The following OTOF variants were observed in gnomAD, a reference collection of about 807,000 sequenced individuals.
The protein encoded by OTOF is fer-1-like family member 2.
Under a neutral mutation model 236.8 loss-of-function variants are expected in OTOF, and 218 were observed. The observed-to-expected ratio is 0.92, with a 90% CI of 0.82 to 1.03. The LOEUF is 1.03. Among genes scored for constraint, OTOF ranks in the 50% least tolerant of loss-of-function variants. The pLI, the probability that OTOF is intolerant of heterozygous loss-of-function variation, is 0.00. For missense variants in OTOF, 2,590 were observed against 2,694.4 expected (o/e 0.96, Z 0.86); for synonymous variants, 1,041 against 1,072.5 (o/e 0.97, Z 0.57).
rs866540503 is a variant in OTOF, at chr2:26,544,879, T to C, written c.80-7105A>G. ...GGTGAAACCCTGTCTCTACTAAAAA[T>C]ACAAAAAAAAAATTAGCCAGGCGTG... On this transcript the variant is annotated intron_variant, in intron 1 of 46. Coordinates refer to ENST00000272371, the MANE Select transcript of OTOF (RefSeq NM_194248.3). Among the ~76,000 whole-genome samples, 159 of 141,446 alleles carry C rather than the reference T, an allele frequency of 1.1e-3. 1 individual carries two copies. The highest frequency in any genetic ancestry group is 4.5e-3 in the African/African-American group (153 of 33,810). 92.8% of individuals were successfully genotyped at this position (141,446 alleles called of 152,430 possible).
rs1421442946 is a variant in OTOF at position 26,461,109 on chromosome 2, G to C, written c.5534-79C>G. ...TGGGGGTGGGGGTCTGGGCTCCTCG[G>C]CCCCTTGTTTGCTGAGTGCAGACCT... is the stretch of plus-strand genomic sequence containing the variant. On this transcript the variant is annotated intron_variant, in intron 43 of 46. Transcript: ENST00000272371. This position sits in a 1 kb window ranked among gnomAD's most constrained non-coding sequence, Gnocchi z 6.2. 8.7e-7 allele frequency: 1 copy of C among 1,145,982 alleles called. No individual in the cohort carries two copies. The highest frequency in any genetic ancestry group is 1.3e-6 in the Non-Finnish European group (1 of 792,494). 71.0% of individuals were successfully genotyped at this position (1,145,982 alleles called of 1,614,324 possible). A position where few individuals can be genotyped will look rare whatever the true frequency, so the allele number is the denominator to read the frequency against.
chr2:26,460,710 T>G lies in OTOF; in HGVS notation c.5750A>C (p.Glu1917Ala). The G allele has an allele frequency of 1.2e-6, 2 of 1,614,180 alleles. No individual in the cohort carries two copies. The highest frequency in any genetic ancestry group is 2.2e-5 in the South Asian group (2 of 91,082). Residue 1917 changes from glutamate (E) to alanine (A), a missense_variant, in exon 45 of 47, where the codon GAG becomes GCG. Glu to Ala is a moderately radical substitution (Grantham distance 107). Coordinates refer to ENST00000272371, the MANE Select transcript of OTOF (RefSeq NM_194248.3). This position sits in a 1 kb window ranked among gnomAD's most constrained non-coding sequence, Gnocchi z 5.3. ...VEAELHLLTA[E>A]EAEKNPVGLA... ...GCCCACTGGGTTCTTCTCTGCCTCCTCTGCTGTCAGTAAATGCAGCTCAGC... is the reference window on the plus strand; with the variant it reads ...GCCCACTGGGTTCTTCTCTGCCTCCGCTGCTGTCAGTAAATGCAGCTCAGC...
chr2:26,530,297 G>A (rs1390098684), intron 2 of OTOF, among the ~76,000 whole-genome samples: 1 of 152,010 alleles, frequency 6.6e-6, no homozygotes, highest in South Asian at 2.1e-4. Flanking sequence ...GCTGCGGGGC[G>A]AGGGCCAGTT....
At position 26,464,214 on chromosome 2, in the gene OTOF, C is replaced by T. The variant is rs1490345001; in HGVS notation, c.4961-108G>A. 21 of 1,341,988 alleles carry T rather than the reference C, an allele frequency of 1.6e-5. No individual in the cohort carries two copies. The African/African-American group carries it at 2.2e-4, about 14-fold the overall frequency. 83.1% of individuals were successfully genotyped at this position (1,341,988 alleles called of 1,614,324 possible). On this transcript the variant is annotated intron_variant, in intron 39 of 46. Transcript: ENST00000272371. ...AAGAAGCCTCTATGCCATCACCTGT[C>T]TACCCCACCTCCTTTTCACTGTTGG...
intron 5 of OTOF, among the ~76,000 whole-genome samples, chr2:26,511,170 C>G (rs1048016548): frequency 6.6e-6 from 1 of 152,232 alleles, no homozygotes; most frequent in Admixed American, 6.5e-5. Context: ...CTCCCCTGCT[C>G]CCCTGCTCCC....
At chr2:26,503,598 C>T (rs945259472) in intron 6 of OTOF, among the ~76,000 whole-genome samples, 174 bp downstream of exon 6, 1 of 152,216 alleles carries the variant, frequency 6.6e-6, no homozygotes, top group African/African-American at 2.4e-5. Flanking sequence ...TGCCCGTTTC[C>T]CTCCCTCGGC....
In OTOF at chr2:26,487,696, C is replaced by T. The variant is rs79100901; in HGVS notation, c.1045+1515G>A. On this transcript the variant is annotated intron_variant, in intron 11 of 46. Transcript: ENST00000272371. ...CACCCCCTGACTTTCTCTTGGCTCT[C>T]GGCCTCAGGCCTGCCAGTGGTACCA... Among the ~76,000 whole-genome samples, 24 of 152,284 alleles carry T rather than the reference C, an allele frequency of 1.6e-4. 2 individuals carry two copies. The East Asian group carries it at 4.4e-3, about 28-fold the overall frequency.
rs553052973 is a variant in OTOF, at chr2:26,463,879, C to G, written c.5103+85G>C. The G allele has an allele frequency of 1.8e-4, 276 of 1,569,552 alleles. 1 individual carries two copies. In the Middle Eastern group the frequency reaches 1.8e-3, roughly 10 times the overall value. ...CTGGAATGCAGCGGACAGCGTGAGG[C>G]CTGGCTTCTACCTTTACTGACTCAG... On this transcript the variant is annotated intron_variant, in intron 40 of 46. Coordinates refer to ENST00000272371, the MANE Select transcript of OTOF (RefSeq NM_194248.3).
chr2:26,460,138 T>C lies in OTOF; in HGVS notation c.5881A>G (p.Thr1961Ala). 1 of 1,601,400 alleles carries C rather than the reference T, an allele frequency of 6.2e-7. No individual in the cohort carries two copies. The highest frequency in any genetic ancestry group is 8.5e-7 in the Non-Finnish European group (1 of 1,174,376). ...LKSARYFLWH[T>A]YRWLLLKLLL... Reference sequence around the variant, plus strand: ...AGTTTGAGGAGCAGCCAGCGATACGTGTGCCACAAGAAGTAGCGAGCCGAC... The same window carrying C: ...AGTTTGAGGAGCAGCCAGCGATACGCGTGCCACAAGAAGTAGCGAGCCGAC... Residue 1961 changes from threonine to alanine, a missense_variant, in exon 46 of 47, where the codon ACG becomes GCG. Physicochemically the swap from Thr to Ala is moderately conservative, Grantham distance 58 (BLOSUM62 0). Coordinates refer to ENST00000272371, the MANE Select transcript of OTOF (RefSeq NM_194248.3). The surrounding 1 kb of genome is among the most constrained non-coding windows in gnomAD (Gnocchi z 5.3).
Position 26,479,611 on chromosome 2 carries a change from C to T in OTOF, c.1955G>A (p.Arg652Gln), listed in dbSNP as rs142370721. 2.5e-5 allele frequency: 41 copies of T among 1,612,472 alleles called. No individual in the cohort carries two copies. In the East Asian group the frequency reaches 3.1e-4, roughly 12 times the overall value. ...NEVDGLSRPQ[R>Q]PRPRKEPGDE... is the part of the protein sequence containing the mutation. ...CCCCGGCTCCTTCCGGGGCCGAGGC[C>T]GCTGGGGCCGGGACAGGCCATCAAC... The change falls in exon 17 of 47, where the codon CGG (arginine) becomes CAG (glutamine). Residue 652 changes from arginine to glutamine, a missense_variant. This residue lies in a region of OTOF where 1,379 missense variants were observed against 1,341.6 expected (regional missense o/e 1.03). Transcript: ENST00000272371.
chr2:26,524,534 C>A (rs1447359028), intron 3 of OTOF, among the ~76,000 whole-genome samples: 1 of 152,098 alleles, frequency 6.6e-6, no homozygotes, highest in Non-Finnish European at 1.5e-5. Context: ...CCAAAAACAC[C>A]TAATAGAAGC....
At chr2:26,516,299 G>T in intron 5 of OTOF, 119 bp downstream of exon 5, 3 of 920,424 alleles carry the variant, frequency 3.3e-6, no homozygotes, top group Non-Finnish European at 5.0e-6. Flanking sequence ...CTCTCCAGAA[G>T]CTCAGCCCTG....
Position 26,480,997 on chromosome 2 carries a change from G to A in OTOF, c.1592C>T (p.Thr531Ile), listed in dbSNP as rs776494716. 1.9e-6 allele frequency: 3 copies of A among 1,612,758 alleles called. No homozygotes were observed. The highest frequency in any genetic ancestry group is 2.5e-6 in the Non-Finnish European group (3 of 1,179,808). ...CATGTTCACCCAGGCTGGGCCCAGT[G>A]TGGGCAGGAAGCCTGTGGCAGTGGG... ...SNDGDKGFLP[T>I]LGPAWVNMYG... Residue 531 changes from threonine (T) to isoleucine (I), a missense_variant, in exon 15 of 47, where the codon ACA becomes ATA. Around this residue, in one of 2 missense-constraint regions of OTOF, gnomAD observed 1,379 missense variants for 1,341.6 expected, o/e 1.03. Transcript: ENST00000272371.
At chr2:26,466,492 G>A (rs1664733260) in intron 36 of OTOF, among the ~76,000 whole-genome samples, 1 of 152,150 alleles carries the variant, frequency 6.6e-6, no homozygotes, top group African/African-American at 2.4e-5. Flanking sequence ...GCGTGGCACT[G>A]TGCCTGGCTA....
intron 5 of OTOF, among the ~76,000 whole-genome samples, 167 bp downstream of exon 5, chr2:26,516,251 T>TG (rs1220045006): frequency 6.6e-6 from 1 of 152,042 alleles, no homozygotes; most frequent in African/African-American, 2.4e-5. Flanking sequence ...GACGGCTGGG[T>TG]GGGGGGCTAC....
chr2:26,479,208 G>T, intron 18 of OTOF, 56 bp downstream of exon 18: 1 of 1,600,252 alleles, frequency 6.2e-7, no homozygotes, highest in South Asian at 1.1e-5. Flanking sequence ...AAGGCCCTCT[G>T]ACAGCGCCGT....
intron 30 of OTOF, among the ~76,000 whole-genome samples, chr2:26,471,706 C>G (rs1459447164): frequency 1.3e-5 from 2 of 152,206 alleles, no homozygotes; most frequent in African/African-American, 4.8e-5. Context: ...CACTCTGTCT[C>G]TCATACACAC....
intron 8 of OTOF, among the ~76,000 whole-genome samples, chr2:26,497,566 T>C (rs17392390): frequency 0.31 from 47,164 of 152,060 alleles, 8,581 homozygotes; most frequent in South Asian, 0.4. Context: ...TCCATCAAAG[T>C]CTGAAAAATA....
At position 26,462,391 on chromosome 2, in the gene OTOF, G is replaced by C. The variant is rs1664509327; in HGVS notation, c.5193-210C>G. On this transcript the variant is annotated intron_variant, in intron 41 of 46. Transcript: ENST00000272371. This position sits in a 1 kb window ranked among gnomAD's most constrained non-coding sequence, Gnocchi z 4.7. ...CCAGGCACATGGCTGTGGGCGGTGG[G>C]GGTGGGGTGAGGGGAGGAAGCCACC... is the stretch of plus-strand genomic sequence containing the variant. Among the ~76,000 whole-genome samples the C allele has an allele frequency of 6.6e-6, 1 of 152,130 alleles. No homozygotes were observed. Among genetic ancestry groups the C allele is most frequent in the South Asian group, 2.1e-4 (1 of 4,826 alleles).
Sources: allele counts gnomAD v4.1 joint callset (sites outside exome capture counted in the v4.1 genomes callset), GRCh38; gene constraint gnomAD v4.1.1; regional missense constraint gnomAD v4.1.1; non-coding constraint Gnocchi (gnomAD v3.1); transcripts MANE v1.5; gene names NCBI Gene and HGNC (gene_info 2026-07-23, HGNC 2026-07-21).